Variants in GRID2 observed in about 807,000 individuals in gnomAD.
The protein encoded by GRID2 is glutamate receptor ionotropic, delta-2.
In GRID2, 33 loss-of-function variants were observed where a neutral mutation model predicts 114.8. That is an observed-to-expected ratio of 0.29 (90% confidence interval 0.22 to 0.38). The LOEUF is 0.38. Ranked by LOEUF, GRID2 falls within the 10% of genes least tolerant of loss-of-function variation. The probability of loss-of-function intolerance (pLI) is 1.00; values close to 1 mark genes in which losing one functional copy is unlikely to be tolerated. For synonymous variants in GRID2, 505 were observed against 449.9 expected, an observed-to-expected ratio of 1.12 and a Z score of -1.55; for missense variants, 1,184 against 1,257.7, an observed-to-expected ratio of 0.94 and a Z score of 0.89.
intron 14 of GRID2, among the ~76,000 whole-genome samples, chr4:93,699,810 A>C (rs2110136114): frequency 6.6e-6 from 1 of 152,280 alleles, no homozygotes; most frequent in African/African-American, 2.4e-5. Context: ...TTAAAATATT[A>C]GATGATATTC....
At chr4:93,082,087 C>G (rs1363459187) in intron 2 of GRID2, among the ~76,000 whole-genome samples, 1 of 152,198 alleles carries the variant, frequency 6.6e-6, no homozygotes, top group Non-Finnish European at 1.5e-5. Flanking sequence ...GCATCAAATA[C>G]AGCCTTGAAG....
At chr4:92,619,285 T>C (rs1046209523) in intron 2 of GRID2, among the ~76,000 whole-genome samples, 6 of 151,752 alleles carry the variant, frequency 4.0e-5, no homozygotes, top group Non-Finnish European at 7.4e-5. Flanking sequence ...CAAGGTCTTA[T>C]GTTGGAGAAG....
At chr4:92,932,286 A>G (rs1379160979) in intron 2 of GRID2, among the ~76,000 whole-genome samples, 1 of 151,376 alleles carries the variant, frequency 6.6e-6, no homozygotes, top group Non-Finnish European at 1.5e-5. Context: ...TATGAAAAAT[A>G]TGCTCAATGC....
At chr4:92,909,264 C>CTT (rs531679793) in intron 2 of GRID2, among the ~76,000 whole-genome samples, 1 of 141,248 alleles carries the variant, frequency 7.1e-6, no homozygotes. Context: ...TAGTTTTTTT[C>CTT]TTTTTTTTTT....
chr4:93,105,465 A>G (rs1265753751), intron 3 of GRID2, among the ~76,000 whole-genome samples: 1 of 152,122 alleles, frequency 6.6e-6, no homozygotes, highest in Non-Finnish European at 1.5e-5. Flanking sequence ...TCTTTAATCC[A>G]TCTTGAATTA....
intron 2 of GRID2, among the ~76,000 whole-genome samples, chr4:92,889,398 A>T (rs2149467293): frequency 6.6e-6 from 1 of 152,310 alleles, no homozygotes; most frequent in Non-Finnish European, 1.5e-5. Flanking sequence ...GAAACTCCTT[A>T]AGCTGATAAG....
intron 1 of GRID2, among the ~76,000 whole-genome samples, chr4:93,801,982 T>C (rs1734940434): frequency 6.6e-6 from 1 of 152,370 alleles, no homozygotes; most frequent in Admixed American, 6.5e-5. Context: ...ATACTGCATG[T>C]GTGCCCCCTC....
chr4:92,779,105 G>C (rs2149357381), intron 2 of GRID2, among the ~76,000 whole-genome samples: 1 of 152,100 alleles, frequency 6.6e-6, no homozygotes, highest in African/African-American at 2.4e-5. Context: ...GCAATTGTTA[G>C]AGATGCTTGA....
At chr4:93,495,560 C>T (rs1453331689) in intron 12 of GRID2, among the ~76,000 whole-genome samples, 4 of 151,598 alleles carry the variant, frequency 2.6e-5, no homozygotes, top group Non-Finnish European at 5.9e-5. Flanking sequence ...TGGAATTTTT[C>T]CTGGAGGTAA....
intron 3 of GRID2, 108 bp downstream of exon 3, chr4:93,085,387 T>G (rs1247020240): frequency 1.2e-6 from 1 of 856,674 alleles, no homozygotes; most frequent in East Asian, 2.5e-5. Flanking sequence ...ATTTGTGGTT[T>G]TCTTGTCTTG....
intron 2 of GRID2, among the ~76,000 whole-genome samples, chr4:93,013,983 G>T (rs776765657): frequency 6.6e-6 from 1 of 151,904 alleles, no homozygotes; most frequent in African/African-American, 2.4e-5. Context: ...TCATGGTAAA[G>T]ACTGAATCCA....
At chr4:92,481,623 T>TA (rs1722593346) in intron 1 of GRID2, among the ~76,000 whole-genome samples, 2 of 152,084 alleles carry the variant, frequency 1.3e-5, no homozygotes, top group Admixed American at 1.3e-4. Context: ...TAGTATAGAT[T>TA]AAAGTTAGGT....
intron 2 of GRID2, among the ~76,000 whole-genome samples, chr4:92,808,528 A>G (rs1265476963): frequency 6.6e-6 from 1 of 152,114 alleles, no homozygotes; most frequent in Non-Finnish European, 1.5e-5. Context: ...AAGTGATTTA[A>G]TTAGAAAAGG....
intron 4 of GRID2, among the ~76,000 whole-genome samples, chr4:93,139,592 C>T (rs1735570123): frequency 6.6e-6 from 1 of 152,154 alleles, no homozygotes. Flanking sequence ...TCGTAATCAC[C>T]TTTTCTTGGT....
At chr4:92,468,197 T>C (rs1721851755) in intron 1 of GRID2, among the ~76,000 whole-genome samples, 1 of 152,072 alleles carries the variant, frequency 6.6e-6, no homozygotes, top group South Asian at 2.1e-4. Context: ...TATTTTCAAG[T>C]GGTTATCATG....
intron 2 of GRID2, among the ~76,000 whole-genome samples, chr4:92,843,220 C>T (rs555786580): frequency 4.9e-4 from 74 of 151,416 alleles, no homozygotes; most frequent in Non-Finnish European, 7.4e-4. Context: ...CCAGCCTGGG[C>T]GACAGAGTAA....
At chr4:92,704,733 C>T (rs1310807331) in intron 2 of GRID2, among the ~76,000 whole-genome samples, 6 of 150,202 alleles carry the variant, frequency 4.0e-5, no homozygotes, top group Admixed American at 2.0e-4. Flanking sequence ...TTCTCTCTCT[C>T]TCTCTCTCTC....
At chr4:93,520,598 G>T (rs1023807264) in intron 13 of GRID2, among the ~76,000 whole-genome samples, 2 of 152,126 alleles carry the variant, frequency 1.3e-5, no homozygotes, top group Non-Finnish European at 2.9e-5. Context: ...GTTGCACAGA[G>T]AGGGGGTTAG....
chr4:93,026,745 G>T (rs1723917705), intron 2 of GRID2, among the ~76,000 whole-genome samples: 1 of 151,596 alleles, frequency 6.6e-6, no homozygotes, highest in Non-Finnish European at 1.5e-5. Flanking sequence ...TTTAATGCTG[G>T]GTGGAGTATA....
Sources: gnomAD v4.1 joint callset for allele counts (sites outside exome capture counted in the v4.1 genomes callset) on GRCh38, gnomAD v4.1.1 for gene constraint, MANE v1.5 for transcripts, NCBI Gene and HGNC (gene_info 2026-07-23, HGNC 2026-07-21) for gene names.